PDK1: variants seen among roughly 807,000 people sequenced by gnomAD.
PDK1 encodes pyruvate dehydrogenase kinase 1, also known as [Pyruvate dehydrogenase (acetyl-transferring)] kinase isozyme 1, mitochondrial.
A neutral mutation model predicts 54.2 loss-of-function variants in PDK1; 39 were observed. The ratio of observed to expected loss-of-function variants is 0.72; its 90% confidence interval spans 0.56 to 0.94. The LOEUF (loss-of-function observed/expected upper bound fraction) is 0.94, where lower values mean the gene tolerates loss of function less well. PDK1 is among the 40% of genes least tolerant of loss of function. PDK1 has a pLI of 0.00. For missense variants in PDK1, 552 were observed against 566.0 expected (o/e 0.98, Z 0.25); for synonymous variants, 221 against 207.1 (o/e 1.07, Z -0.58).
At chr2:172,573,368 C>T (rs981119863) in intron 8 of PDK1, among the ~76,000 whole-genome samples, 3 of 151,886 alleles carry the variant, frequency 2.0e-5, no homozygotes, top group Non-Finnish European at 4.4e-5. Flanking sequence ...ATTTGCTGAT[C>T]GGCCATTTGT....
chr2:172,580,047 C>T (rs915217463), intron 8 of PDK1, among the ~76,000 whole-genome samples: 34 of 151,086 alleles, frequency 2.3e-4, no homozygotes, highest in African/African-American at 8.1e-4. Context: ...GAATTCTGCT[C>T]TAGTTTTATT....
the PDK1 span, among the ~76,000 whole-genome samples, chr2:172,642,757 CCTCTT>C: frequency 6.6e-6 from 1 of 151,758 alleles, no homozygotes; most frequent in Non-Finnish European, 1.5e-5. Flanking sequence ...GCTTTCTTCT[CCTCTT>C]CGTCTTCCTT....
At chr2:172,623,488 A>G in the PDK1 span, among the ~76,000 whole-genome samples, 1 of 152,248 alleles carries the variant, frequency 6.6e-6, no homozygotes, top group Non-Finnish European at 1.5e-5. Context: ...AAGCCTGTGG[A>G]TGCACTCAGA....
At position 172,586,404 on chromosome 2, in the gene PDK1, A is replaced by C. The variant is rs762680772; in HGVS notation, c.1056+16A>C. ...AGTGCCTCTGGTATGTTATCAAGAA[A>C]TAATGAAGTGTGTTTCTGTGAATTG... On this transcript the variant is annotated intron_variant, in intron 9 of 10. Coordinates refer to ENST00000282077, the MANE Select transcript of PDK1 (RefSeq NM_002610.5). 2.0e-6 allele frequency: 3 copies of C among 1,481,182 alleles called. No individual in the cohort carries two copies. The highest frequency in any genetic ancestry group is 1.9e-6 in the Non-Finnish European group (2 of 1,059,598). 91.8% of individuals were successfully genotyped at this position (1,481,182 alleles called of 1,614,324 possible). A position where few individuals can be genotyped will look rare whatever the true frequency, so the allele number is the denominator to read the frequency against.
At chr2:172,595,773 A>G (rs1239613365) in intron 10 of PDK1, 56 bp from the exon 11 acceptor site, 10 of 1,503,706 alleles carry the variant, frequency 6.7e-6, no homozygotes, top group Non-Finnish European at 9.1e-6. Flanking sequence ...TATTTTCTCA[A>G]ATAATGAATT....
At chr2:172,656,375 A>G in the PDK1 span, among the ~76,000 whole-genome samples, 4 of 152,138 alleles carry the variant, frequency 2.6e-5, no homozygotes, top group African/African-American at 4.8e-5. Flanking sequence ...CTACAGTCCT[A>G]TGATTAAGTC....
the PDK1 span, among the ~76,000 whole-genome samples, chr2:172,654,013 C>T: frequency 6.6e-6 from 1 of 152,190 alleles, no homozygotes; most frequent in Non-Finnish European, 1.5e-5. Context: ...CCAATAGACA[C>T]ATGAAAAAAT....
At chr2:172,701,181 A>T in the PDK1 span, among the ~76,000 whole-genome samples, 4 of 152,194 alleles carry the variant, frequency 2.6e-5, no homozygotes, top group Admixed American at 2.6e-4. Flanking sequence ...CATCTTCCTC[A>T]CCCACCAAAT....
At chr2:172,585,371 G>A (rs1346198958) in intron 8 of PDK1, among the ~76,000 whole-genome samples, 1 of 122,714 alleles carries the variant, frequency 8.1e-6, no homozygotes, top group Non-Finnish European at 1.6e-5. Flanking sequence ...TGTCACCCAC[G>A]CTGGAGTGCA....
chr2:172,638,413 G>C, the PDK1 span, among the ~76,000 whole-genome samples: 2 of 152,176 alleles, frequency 1.3e-5, no homozygotes, highest in Non-Finnish European at 2.9e-5. Context: ...GTGGGAGGAA[G>C]AAACTGTTTT....
At chr2:172,670,767 C>G in the PDK1 span, among the ~76,000 whole-genome samples, 1 of 152,012 alleles carries the variant, frequency 6.6e-6, no homozygotes, top group Non-Finnish European at 1.5e-5. Context: ...TTTAAATTTT[C>G]TTTATTTATA....
the PDK1 span, among the ~76,000 whole-genome samples, chr2:172,717,215 A>T: frequency 6.6e-6 from 1 of 152,158 alleles, no homozygotes; most frequent in East Asian, 1.9e-4. Context: ...ATGTTGTGAG[A>T]GACCCATGTA....
intron 8 of PDK1, among the ~76,000 whole-genome samples, chr2:172,578,486 G>A (rs563722667): frequency 4.2e-4 from 64 of 151,294 alleles, no homozygotes; most frequent in Admixed American, 2.5e-3. Context: ...TTGTTGTATC[G>A]TTTAAAATTT....
chr2:172,636,389 G>C, the PDK1 span, among the ~76,000 whole-genome samples: 1 of 152,146 alleles, frequency 6.6e-6, no homozygotes, highest in South Asian at 2.1e-4. Context: ...AAGGTGCCAG[G>C]CTCTTTTAAA....
At chr2:172,632,703 C>T in the PDK1 span, among the ~76,000 whole-genome samples, 5 of 151,746 alleles carry the variant, frequency 3.3e-5, no homozygotes, top group African/African-American at 9.7e-5. Context: ...TGGTTTTGGC[C>T]GGGCACGGTG....
the PDK1 span, among the ~76,000 whole-genome samples, chr2:172,683,643 G>C: frequency 5.0e-4 from 76 of 152,340 alleles, 1 homozygote; most frequent in Middle Eastern, 6.8e-3. Context: ...TTAATTTGGA[G>C]TGAGTAATGC....
At chr2:172,711,567 C>G in the PDK1 span, among the ~76,000 whole-genome samples, 3 of 152,052 alleles carry the variant, frequency 2.0e-5, no homozygotes, top group Admixed American at 6.6e-5. Context: ...AGAAGGCTGT[C>G]AAGACAGCTC....
chr2:172,585,405 G>A (rs1214535541), intron 8 of PDK1, among the ~76,000 whole-genome samples: 1 of 132,868 alleles, frequency 7.5e-6, no homozygotes, highest in African/African-American at 3.0e-5. Flanking sequence ...GGCTCACTGT[G>A]ACCTCCATCT....
chr2:172,557,667 A>G (rs1176651074), intron 1 of PDK1, among the ~76,000 whole-genome samples: 2 of 149,256 alleles, frequency 1.3e-5, no homozygotes, highest in African/African-American at 5.1e-5. Flanking sequence ...AAAAATAGAA[A>G]TGGGGTCTCA....
Sources: allele counts gnomAD v4.1 joint callset (sites outside exome capture counted in the v4.1 genomes callset), GRCh38; gene constraint gnomAD v4.1.1; transcripts MANE v1.5; gene names NCBI Gene and HGNC (gene_info 2026-07-23, HGNC 2026-07-21).